Variants in DNAAF6 observed in about 807,000 individuals in gnomAD.
DNAAF6 encodes the protein PIH1 domain containing 3.
In DNAAF6, 3 loss-of-function variants were observed where a neutral mutation model predicts 13.7. The ratio of observed to expected loss-of-function variants is 0.22; its 90% CI spans 0.10 to 0.56. The LOEUF (loss-of-function observed/expected upper bound fraction) is 0.56, where lower values mean the gene tolerates loss of function less well. DNAAF6 is among the 20% of genes least tolerant of loss of function. DNAAF6 has a pLI of 0.92. For missense variants in DNAAF6, 130 were observed against 151.0 expected (o/e 0.86, Z 0.73); for synonymous variants, 54 against 49.2 (o/e 1.10, Z -0.41).
At position 107,225,731 on chromosome X, in the gene DNAAF6, A is replaced by G. The variant is rs756075463; in HGVS notation, c.429+2890A>G. ...AGAAAGCAAGATTTATGAATCCTAA[A>G]TCAAAGCAACGGTCCTAAACAAAAT... On this transcript the variant is annotated intron_variant, in intron 5 of 6. Coordinates refer to ENST00000372453, the MANE Select transcript of DNAAF6 (RefSeq NM_173494.2). Among the ~76,000 whole-genome samples the G allele has an allele frequency of 3.6e-5, 4 of 111,643 alleles. No individual in the cohort carries two copies. In the East Asian group the frequency reaches 1.1e-3, roughly 31 times the overall value.
rs191190633 is a variant in DNAAF6, at chrX:107,209,442, T to G, written c.-4+2752T>G. Among the ~76,000 whole-genome samples, 843 of 111,478 alleles carry G rather than the reference T, an allele frequency of 7.6e-3. 13 individuals carry two copies. The highest frequency in any genetic ancestry group is 0.025 in the African/African-American group (780 of 30,702). ...AAGGATATTGCTTGGTGACTTTTTT[T>G]GGGGGGCAGGGAATTGAGTTTCTCT... On this transcript the variant is annotated intron_variant, in intron 1 of 6. Transcript: ENST00000372453.
chrX:107,240,462 T>C (rs1191992403), intron 6 of DNAAF6, among the ~76,000 whole-genome samples: 3 of 111,892 alleles, frequency 2.7e-5, no homozygotes, highest in Non-Finnish European at 3.8e-5. Context: ...ACACCTACTT[T>C]CTTTAGTTTC....
chrX:107,231,142 T>C (rs1487929741), intron 5 of DNAAF6, among the ~76,000 whole-genome samples: 2 of 111,647 alleles, frequency 1.8e-5, no homozygotes, highest in Non-Finnish European at 3.8e-5. Flanking sequence ...ATTCAGCCAT[T>C]AAAAAAAGAG....
rs1022504633 is a variant in DNAAF6 at position 107,206,652 on chromosome X, A to G, written c.-42A>G. ...AGAGACGCCACGCTCTGCACAGTCTATTTTCGGAGCCTAGCCAGAGACGGG... is the reference window on the plus strand; with the variant it reads ...AGAGACGCCACGCTCTGCACAGTCTGTTTTCGGAGCCTAGCCAGAGACGGG... On this transcript the variant is annotated 5_prime_UTR_variant, in exon 1 of 7. Transcript: ENST00000372453. 1 of 110,999 alleles carries G rather than the reference A, an allele frequency of 9.0e-6. No homozygotes were observed. The highest frequency in any genetic ancestry group is 1.9e-5 in the Non-Finnish European group (1 of 53,016). 9.1% of individuals were successfully genotyped at this position (110,999 alleles called of 1,213,427 possible).
intron 6 of DNAAF6, 86 bp from the exon 7 acceptor site, chrX:107,243,083 A>T (rs1260460338): frequency 9.8e-7 from 1 of 1,025,401 alleles, no homozygotes; most frequent in African/African-American, 2.0e-5. Context: ...CTAACACTCT[A>T]GTGGCATATG....
intron 5 of DNAAF6, 134 bp from the exon 6 acceptor site, chrX:107,238,788 T>G: frequency 3.9e-6 from 4 of 1,017,474 alleles, no homozygotes; most frequent in Non-Finnish European, 5.2e-6. Context: ...TGCTCAAGAT[T>G]GACATAAAGA....
At chrX:107,224,348 G>A (rs1195252680) in intron 5 of DNAAF6, among the ~76,000 whole-genome samples, 3 of 111,966 alleles carry the variant, frequency 2.7e-5, no homozygotes, top group Admixed American at 1.9e-4. Flanking sequence ...ACTTTGTCAC[G>A]TGTATACTGT....
chrX:107,223,214 A>C (rs963854100), intron 5 of DNAAF6, among the ~76,000 whole-genome samples: 1 of 111,673 alleles, frequency 9.0e-6, no homozygotes, highest in Non-Finnish European at 1.9e-5. Flanking sequence ...GGCAATCAGA[A>C]TGAAGTATCT....
At chrX:107,222,874 A>G in intron 5 of DNAAF6, 33 bp downstream of exon 5, 2 of 1,182,436 alleles carry the variant, frequency 1.7e-6, no homozygotes, top group Non-Finnish European at 2.3e-6. Flanking sequence ...CATTTTCTAT[A>G]CAACCATTGT....
chrX:107,216,784 T>C, intron 3 of DNAAF6, 41 bp downstream of exon 3: 1 of 992,149 alleles, frequency 1.0e-6, no homozygotes, highest in Non-Finnish European at 1.4e-6. Flanking sequence ...ATATAATCTT[T>C]TCCTTGGTAG....
At position 107,243,460 on chromosome X, in the gene DNAAF6, A is replaced by G. The variant is rs778569936; in HGVS notation, c.*162A>G. 34 of 692,181 alleles carry G rather than the reference A, an allele frequency of 4.9e-5. No homozygotes were observed. Among genetic ancestry groups the G allele is most frequent in the Non-Finnish European group, 6.2e-5 (31 of 501,066 alleles). 57.0% of individuals were successfully genotyped at this position (692,181 alleles called of 1,213,427 possible). On this transcript the variant is annotated 3_prime_UTR_variant, in exon 7 of 7. Coordinates refer to ENST00000372453, the MANE Select transcript of DNAAF6 (RefSeq NM_173494.2). The stretch of plus-strand genomic sequence containing the variant: ...ATTGTGACCATTTACAGTAATTTCT[A>G]TTACTCTGTTAGGAAATATGTTTCC...
At chrX:107,210,833 TAAG>T (rs1355300168) in intron 1 of DNAAF6, among the ~76,000 whole-genome samples, 1 of 111,808 alleles carries the variant, frequency 8.9e-6, no homozygotes, top group Admixed American at 9.6e-5. Flanking sequence ...GTATGTTTAA[TAAG>T]CAGTTTAGTT....
chrX:107,229,127 C>CTCTT (rs1928322422), intron 5 of DNAAF6, among the ~76,000 whole-genome samples: 1 of 51,596 alleles, frequency 1.9e-5, no homozygotes, highest in East Asian at 6.8e-4. Context: ...GTTGACTACT[C>CTCTT]TTTTTTTTTT....
Sources: allele counts gnomAD v4.1 joint callset (sites outside exome capture counted in the v4.1 genomes callset), GRCh38; gene constraint gnomAD v4.1.1; transcripts MANE v1.5; gene names NCBI Gene and HGNC (gene_info 2026-07-23, HGNC 2026-07-21).